The following TSHZ3 variants were observed in gnomAD, a reference collection of about 807,000 sequenced individuals.
The protein encoded by TSHZ3 is teashirt zinc finger homeobox 3.
TSHZ3 carries 10 observed loss-of-function variants against 64.5 expected under a neutral mutation model. The observed-to-expected ratio is 0.16, with a 90% confidence interval of 0.10 to 0.26. TSHZ3 has a LOEUF of 0.26. TSHZ3 is among the 10% of genes least tolerant of loss of function. The pLI, the probability that TSHZ3 is intolerant of heterozygous loss-of-function variation, is 1.00. For synonymous variants in TSHZ3, 608 were observed against 593.1 expected (o/e 1.03, Z -0.36); for missense variants, 1,242 against 1,421.7 (o/e 0.87, Z 2.03).
At chr19:31,349,773 G>C (rs867424317), upstream of TSHZ3, among the ~76,000 whole-genome samples, 1 of 148,440 alleles carries the variant, frequency 6.7e-6, no homozygotes, top group African/African-American at 2.5e-5. Flanking sequence ...ACGCGCAGCC[G>C]CCGCCGCGGC....
chr19:31,275,173 G>A lies in TSHZ3; in HGVS notation c.*1374C>T, dbSNP rs1218409059. On this transcript the variant is annotated 3_prime_UTR_variant, in exon 2 of 2. Transcript: ENST00000240587. ...GAAGAACAGAATCACTTGGAGAGCC[G>A]GTAACCACGGGTTACCTTTCATAAG... 4 of 152,460 alleles carry A rather than the reference G, an allele frequency of 2.6e-5. No individual in the cohort carries two copies. The highest frequency in any genetic ancestry group is 9.7e-5 in the African/African-American group (4 of 41,362). The allele number at this position is 152,460 out of a possible 1,614,324, so 9.4% of individuals were successfully genotyped here.
At chr19:31,248,018 C>T (rs576645055) in intron 1 of TSHZ3, among the ~76,000 whole-genome samples, 21 of 152,204 alleles carry the variant, frequency 1.4e-4, no homozygotes, top group South Asian at 2.1e-4. Context: ...GTGAAAGCTA[C>T]GTCTAACAAG....
At chr19:31,287,923 CAG>C (rs747915308) in intron 1 of TSHZ3, among the ~76,000 whole-genome samples, 92 of 152,084 alleles carry the variant, frequency 6.0e-4, no homozygotes, top group Middle Eastern at 3.4e-3. Context: ...TTTCAAATGA[CAG>C]AGGGTGATTT....
intron 5 of TSHZ3, among the ~76,000 whole-genome samples, chr19:31,156,815 C>T (rs1449920194): frequency 6.6e-6 from 1 of 152,104 alleles, no homozygotes; most frequent in Non-Finnish European, 1.5e-5. Context: ...ACACAGGCAG[C>T]CGATCCTGGT....
chr19:31,291,693 C>T (rs1268117672), intron 1 of TSHZ3, among the ~76,000 whole-genome samples: 1 of 152,194 alleles, frequency 6.6e-6, no homozygotes, highest in Non-Finnish European at 1.5e-5. Context: ...CACCTACTGT[C>T]CTTGGCTTCA....
intron 5 of TSHZ3, among the ~76,000 whole-genome samples, chr19:31,176,743 T>C (rs957690127): frequency 1.3e-5 from 2 of 152,252 alleles, no homozygotes; most frequent in Non-Finnish European, 2.9e-5. Flanking sequence ...TGAGCTGTGA[T>C]TGCACCAGTG....
chr19:31,160,679 C>T (rs971649024), intron 5 of TSHZ3, among the ~76,000 whole-genome samples: 2 of 152,022 alleles, frequency 1.3e-5, no homozygotes, highest in Non-Finnish European at 2.9e-5. Flanking sequence ...CATACATACA[C>T]ACAGACACAC....
chr19:31,226,194 A>G (rs1369324277), intron 4 of TSHZ3, among the ~76,000 whole-genome samples: 1 of 151,034 alleles, frequency 6.6e-6, no homozygotes, highest in Non-Finnish European at 1.5e-5. Flanking sequence ...TCAATCTTCA[A>G]CCCACTCTTT....
At chr19:31,231,049 A>G (rs1487436035) in intron 3 of TSHZ3, among the ~76,000 whole-genome samples, 1 of 151,922 alleles carries the variant, frequency 6.6e-6, no homozygotes, top group African/African-American at 2.4e-5. Context: ...AGTGATATGG[A>G]CTAAAAATAA....
chr19:31,331,757 G>A (rs748344091), intron 1 of TSHZ3, among the ~76,000 whole-genome samples: 8 of 152,140 alleles, frequency 5.3e-5, no homozygotes, highest in Non-Finnish European at 1.5e-5. Context: ...TGGTCCAGCC[G>A]GGACAGTCAA....
intron 1 of TSHZ3, among the ~76,000 whole-genome samples, chr19:31,343,075 C>G (rs1917483644): frequency 6.6e-6 from 1 of 152,154 alleles, no homozygotes; most frequent in Non-Finnish European, 1.5e-5. Context: ...ATTCTCTTAG[C>G]GAGGTGACCA....
chr19:31,165,598 A>G (rs1974438701), intron 5 of TSHZ3, among the ~76,000 whole-genome samples: 1 of 152,120 alleles, frequency 6.6e-6, no homozygotes, highest in South Asian at 2.1e-4. Context: ...CCCACAGGCC[A>G]GCTCAGCCCT....
At chr19:31,191,319 G>GA (rs1169597819) in intron 5 of TSHZ3, among the ~76,000 whole-genome samples, 1 of 151,856 alleles carries the variant, frequency 6.6e-6, no homozygotes, top group Non-Finnish European at 1.5e-5. Flanking sequence ...TAACATACAA[G>GA]AAAAAAGCAA....
chr19:31,234,634 G>T (rs1975583176), intron 3 of TSHZ3, among the ~76,000 whole-genome samples: 1 of 152,024 alleles, frequency 6.6e-6, no homozygotes, highest in Admixed American at 6.6e-5. Flanking sequence ...CTATCTACTG[G>T]GATTATTATA....
chr19:31,294,093 A>G (rs1408304026), intron 1 of TSHZ3, among the ~76,000 whole-genome samples: 1 of 152,208 alleles, frequency 6.6e-6, no homozygotes, highest in East Asian at 1.9e-4. Flanking sequence ...GACCACAAGG[A>G]AAACTTGGAG....
chr19:31,248,385 C>A (rs998196651), intron 1 of TSHZ3, among the ~76,000 whole-genome samples: 2 of 152,108 alleles, frequency 1.3e-5, no homozygotes, highest in African/African-American at 2.4e-5. Flanking sequence ...AAAGAAATGG[C>A]AAGTTTAAAG....
At chr19:31,169,367 C>G (rs1482481402) in intron 5 of TSHZ3, among the ~76,000 whole-genome samples, 1 of 152,112 alleles carries the variant, frequency 6.6e-6, no homozygotes, top group African/African-American at 2.4e-5. Flanking sequence ...GGAAGCAACT[C>G]AAGTGTTCAT....
chr19:31,228,518 C>T (rs1446989912), intron 3 of TSHZ3, among the ~76,000 whole-genome samples: 3 of 115,030 alleles, frequency 2.6e-5, no homozygotes, highest in Non-Finnish European at 3.9e-5. Flanking sequence ...AGAGTGAAAC[C>T]CTGTCTAAAA....
chr19:31,290,725 G>T (rs114745586), intron 1 of TSHZ3, among the ~76,000 whole-genome samples: 2,086 of 152,174 alleles, frequency 0.014, 48 homozygotes, highest in African/African-American at 0.048. Flanking sequence ...ATCGCTGCTG[G>T]GCTTTGGAGC....
Sources: gnomAD v4.1 joint callset for allele counts (sites outside exome capture counted in the v4.1 genomes callset) on GRCh38, gnomAD v4.1.1 for gene constraint, MANE v1.5 for transcripts, NCBI Gene and HGNC (gene_info 2026-07-23, HGNC 2026-07-21) for gene names.